Variants in OPRM1 observed in about 807,000 individuals in gnomAD.
OPRM1 encodes the protein mu-type opioid receptor.
Under a neutral mutation model 31.8 loss-of-function variants are expected in OPRM1, and 27 were observed. The ratio of observed to expected loss-of-function variants is 0.85; its 90% CI spans 0.63 to 1.17. The LOEUF is 1.17. Among genes scored for constraint, OPRM1 ranks in the 50% most tolerant of loss-of-function variants. The probability of loss-of-function intolerance (pLI) is 0.00; values close to 1 mark genes in which losing one functional copy is unlikely to be tolerated. For missense variants in OPRM1, 536 were observed against 511.1 expected (o/e 1.05, Z -0.47); for synonymous variants, 196 against 189.9 (o/e 1.03, Z -0.26).
intron 1 of OPRM1, among the ~76,000 whole-genome samples, chr6:154,022,928 G>T (rs1484059820): frequency 1.3e-5 from 2 of 152,146 alleles, no homozygotes; most frequent in African/African-American, 2.4e-5. Flanking sequence ...TTTTATGCCA[G>T]TACCACACTG....
chr6:154,030,088 C>T (rs559348637), intron 1 of OPRM1, among the ~76,000 whole-genome samples: 3 of 151,944 alleles, frequency 2.0e-5, no homozygotes, highest in Non-Finnish European at 2.9e-5. Flanking sequence ...TTATTAGCAG[C>T]CTGAGAATGG....
At position 154,032,292 on chromosome 6, in the gene OPRM1, T is replaced by C. The variant is rs1343356723; in HGVS notation, c.1-6869T>C. Among the ~76,000 whole-genome samples the C allele has an allele frequency of 2.0e-5, 3 of 152,200 alleles. 1 individual carries two copies. The East Asian group carries it at 5.8e-4, about 29-fold the overall frequency. Reference sequence around the variant, plus strand: ...GCTCATTTAACACCCATAAAAGTCTTATAAAGTAAGCACTATGGAAACTCA... The same window carrying C: ...GCTCATTTAACACCCATAAAAGTCTCATAAAGTAAGCACTATGGAAACTCA... On this transcript the variant is annotated intron_variant, in intron 1 of 5. Coordinates refer to the OPRM1 transcript ENST00000434900.
chr6:154,043,666 A>T (rs879877196), intron 1 of OPRM1, among the ~76,000 whole-genome samples: 4 of 152,048 alleles, frequency 2.6e-5, no homozygotes, highest in Admixed American at 2.0e-4. Context: ...CTCAAATATT[A>T]ATAAAATTCA....
At chr6:154,034,879 A>G (rs1252614278), upstream of OPRM1, among the ~76,000 whole-genome samples, 1 of 152,166 alleles carries the variant, frequency 6.6e-6, no homozygotes, top group African/African-American at 2.4e-5. Flanking sequence ...GTTTTTGGAT[A>G]AATTTTCAAG....
intron 3 of OPRM1, among the ~76,000 whole-genome samples, chr6:154,106,558 A>G (rs771061970): frequency 2.6e-5 from 4 of 152,238 alleles, no homozygotes; most frequent in Non-Finnish European, 5.9e-5. Context: ...TCTTGCATAA[A>G]TTCCTTTTCA....
Position 154,090,869 on chromosome 6 carries a change from G to T in OPRM1, c.644-83G>T, listed in dbSNP as rs2075572. The T allele has an allele frequency of 3.1e-6, 4 of 1,270,596 alleles. No homozygotes were observed. The East Asian group carries it at 7.0e-5, about 22-fold the overall frequency. 78.7% of individuals were successfully genotyped at this position (1,270,596 alleles called of 1,614,324 possible). Reference sequence around the variant, plus strand: ...GTTAGCTCTGGTCAAGGCTAAAAATGAATGAGCAAAATGGCAGTATTAACA... The same window carrying T: ...GTTAGCTCTGGTCAAGGCTAAAAATTAATGAGCAAAATGGCAGTATTAACA... On this transcript the variant is annotated intron_variant, in intron 2 of 3. Transcript: ENST00000330432.
chr6:154,218,912 T>G (rs539235432), intron 3 of OPRM1: 1 of 152,236 alleles, frequency 6.6e-6, no homozygotes, highest in East Asian at 1.9e-4. Flanking sequence ...CAAAAGAATT[T>G]CAAGTAAAAT....
At chr6:154,173,110 G>GA (rs1227166796) in intron 3 of OPRM1, among the ~76,000 whole-genome samples, 1 of 152,176 alleles carries the variant, frequency 6.6e-6, no homozygotes, top group African/African-American at 2.4e-5. Context: ...CAAACAGAAA[G>GA]AAATAGCATC....
intron 3 of OPRM1, among the ~76,000 whole-genome samples, chr6:154,174,495 A>T (rs1282438393): frequency 6.6e-6 from 1 of 152,178 alleles, no homozygotes; most frequent in Non-Finnish European, 1.5e-5. Context: ...GCAAATGGAA[A>T]GCAAAAAAAA....
chr6:154,109,333 C>T (rs1476814575), intron 3 of OPRM1, among the ~76,000 whole-genome samples: 1 of 151,778 alleles, frequency 6.6e-6, no homozygotes, highest in Non-Finnish European at 1.5e-5. Flanking sequence ...CCAGTACAAC[C>T]AAACAAAAAA....
chr6:154,147,800 A>G (rs751154774), intron 3 of OPRM1, among the ~76,000 whole-genome samples: 1 of 152,234 alleles, frequency 6.6e-6, no homozygotes, highest in Non-Finnish European at 1.5e-5. Context: ...CTAGATCCAG[A>G]GAGCCTAAAG....
At chr6:154,068,646 G>A (rs1053606603) in intron 1 of OPRM1, among the ~76,000 whole-genome samples, 1 of 152,084 alleles carries the variant, frequency 6.6e-6, no homozygotes, top group African/African-American at 2.4e-5. Context: ...TGGTTATTGT[G>A]AATAGTGCTG....
chr6:154,039,938 G>C, intron 1 of OPRM1, 104 bp downstream of exon 1: 2 of 1,083,100 alleles, frequency 1.8e-6, no homozygotes, highest in South Asian at 1.7e-5. Context: ...GGATGAAAGA[G>C]GGGAGGTAAA....
At chr6:154,246,522 G>C in intron 3 of OPRM1, 1 of 1,483,176 alleles carries the variant, frequency 6.7e-7, no homozygotes, top group South Asian at 1.3e-5. Flanking sequence ...TTCCCATAGG[G>C]ATCACCTGAT....
chr6:154,220,287 A>G (rs1252280341), intron 3 of OPRM1, among the ~76,000 whole-genome samples: 6 of 152,190 alleles, frequency 3.9e-5, no homozygotes, highest in South Asian at 4.1e-4. Flanking sequence ...GACACTAAGA[A>G]TTCTGAGAAT....
chr6:154,225,592 G>T (rs1394913414), intron 3 of OPRM1, among the ~76,000 whole-genome samples: 3 of 152,222 alleles, frequency 2.0e-5, no homozygotes, highest in Non-Finnish European at 4.4e-5. Flanking sequence ...GTCCCAGGCA[G>T]TAGGAAATAG....
intron 3 of OPRM1, among the ~76,000 whole-genome samples, chr6:154,239,130 C>A (rs959605314): frequency 6.6e-6 from 1 of 151,930 alleles, no homozygotes; most frequent in African/African-American, 2.4e-5. Flanking sequence ...ACAAAAGAAA[C>A]CAACATTTCC....
At chr6:154,079,777 G>A (rs1052091761) in intron 1 of OPRM1, among the ~76,000 whole-genome samples, 3 of 152,192 alleles carry the variant, frequency 2.0e-5, no homozygotes, top group Non-Finnish European at 2.9e-5. Flanking sequence ...TGGCATGACC[G>A]TAGCTCACTG....
chr6:154,147,695 C>T (rs1360655891), intron 3 of OPRM1, among the ~76,000 whole-genome samples: 1 of 152,190 alleles, frequency 6.6e-6, no homozygotes, highest in Non-Finnish European at 1.5e-5. Context: ...CCTTTCAGTG[C>T]CACTGATCTC....
Sources: allele counts gnomAD v4.1 joint callset (sites outside exome capture counted in the v4.1 genomes callset), GRCh38; gene constraint gnomAD v4.1.1; transcripts MANE v1.5; gene names NCBI Gene and HGNC (gene_info 2026-07-23, HGNC 2026-07-21).